Variants in GRID2 observed in about 807,000 individuals in gnomAD.
GRID2 encodes the protein glutamate receptor ionotropic, delta-2.
Under a neutral mutation model 114.8 loss-of-function variants are expected in GRID2, and 33 were observed. The ratio of observed to expected loss-of-function variants is 0.29; its 90% CI spans 0.22 to 0.38. The LOEUF is 0.38. Among genes scored for constraint, GRID2 ranks in the 10% least tolerant of loss-of-function variants. The pLI is 1.00. For synonymous variants in GRID2, 505 were observed against 449.9 expected (o/e 1.12, Z -1.55); for missense variants, 1,184 against 1,257.7 (o/e 0.94, Z 0.89).
intron 1 of GRID2, among the ~76,000 whole-genome samples, chr4:92,365,081 G>A (rs1306638435): frequency 6.6e-6 from 1 of 151,866 alleles, no homozygotes; most frequent in Non-Finnish European, 1.5e-5. Flanking sequence ...GAAAATGGAG[G>A]TTCCTCAAAA....
chr4:93,231,527 G>C (rs1746146926), intron 7 of GRID2, among the ~76,000 whole-genome samples: 1 of 152,082 alleles, frequency 6.6e-6, no homozygotes, highest in Non-Finnish European at 1.5e-5. Flanking sequence ...TTAGAGAAGA[G>C]TGTAATGTGC....
intron 1 of GRID2, among the ~76,000 whole-genome samples, chr4:92,306,492 A>T (rs1157866507): frequency 6.6e-6 from 1 of 152,214 alleles, no homozygotes; most frequent in African/African-American, 2.4e-5. Context: ...TGATTGGAGC[A>T]GGAATGCAGA....
At chr4:93,622,913 T>C (rs546376251) in intron 13 of GRID2, among the ~76,000 whole-genome samples, 60 of 152,306 alleles carry the variant, frequency 3.9e-4, no homozygotes, top group African/African-American at 1.1e-3. Context: ...AAGTCTCGCA[T>C]GTTCTTCTAG....
At chr4:92,941,335 G>C (rs1286864905) in intron 2 of GRID2, among the ~76,000 whole-genome samples, 1 of 152,164 alleles carries the variant, frequency 6.6e-6, no homozygotes. Flanking sequence ...ATTTCTTGTA[G>C]ATTTTCTAGT....
intron 1 of GRID2, among the ~76,000 whole-genome samples, chr4:92,456,161 G>GAA (rs113019215): frequency 4.8e-5 from 7 of 145,208 alleles, no homozygotes; most frequent in Middle Eastern, 3.6e-3. Flanking sequence ...AGCTTTCCCA[G>GAA]AAAAAAAAAA....
At chr4:93,039,692 A>C (rs572097477) in intron 2 of GRID2, among the ~76,000 whole-genome samples, 58 of 152,186 alleles carry the variant, frequency 3.8e-4, no homozygotes, top group African/African-American at 1.2e-3. Context: ...AATATGATGA[A>C]TCTTTTAAAT....
chr4:92,993,350 G>A (rs1578699187), intron 2 of GRID2, among the ~76,000 whole-genome samples: 1 of 150,826 alleles, frequency 6.6e-6, no homozygotes, highest in Admixed American at 6.6e-5. Flanking sequence ...TAAATTTACA[G>A]TATTCTCTTC....
chr4:92,468,179 T>C (rs1291389624), intron 1 of GRID2, among the ~76,000 whole-genome samples: 2 of 152,084 alleles, frequency 1.3e-5, no homozygotes, highest in African/African-American at 2.4e-5. Flanking sequence ...TAATATTTAC[T>C]GAGTGCTTAT....
At chr4:93,314,360 C>A (rs1482778536) in intron 8 of GRID2, among the ~76,000 whole-genome samples, 2 of 147,312 alleles carry the variant, frequency 1.4e-5, no homozygotes, top group African/African-American at 5.0e-5. Context: ...AAAACACATT[C>A]TTCCAATGTC....
chr4:93,104,494 T>A (rs953838014), intron 3 of GRID2, among the ~76,000 whole-genome samples: 7 of 151,808 alleles, frequency 4.6e-5, no homozygotes. Context: ...AGTGTGATAT[T>A]TCCCTTCCTG....
At chr4:92,780,784 A>G (rs1328999159) in intron 2 of GRID2, among the ~76,000 whole-genome samples, 1 of 151,636 alleles carries the variant, frequency 6.6e-6, no homozygotes, top group Non-Finnish European at 1.5e-5. Flanking sequence ...CATGCATGAT[A>G]ATAAAAAGCT....
chr4:92,618,793 G>C (rs1486671967), intron 2 of GRID2, among the ~76,000 whole-genome samples: 1 of 151,628 alleles, frequency 6.6e-6, no homozygotes, highest in Non-Finnish European at 1.5e-5. Context: ...TGTATCTCCT[G>C]TTAGTGGGAT....
chr4:92,415,069 C>A lies in GRID2; in HGVS notation c.88+110325C>A, dbSNP rs778158054. Among the ~76,000 whole-genome samples the A allele has an allele frequency of 3.3e-5, 5 of 151,660 alleles. 1 individual carries two copies. Among genetic ancestry groups the A allele is most frequent in the Admixed American group, 1.3e-4 (2 of 15,212 alleles). ...AACAAGATAAATTGTCATCTTAAAC[C>A]CATAACATTAAGTATTTCATAACTT... On this transcript the variant is annotated intron_variant, in intron 1 of 15. Coordinates refer to ENST00000282020, the MANE Select transcript of GRID2 (RefSeq NM_001510.4).
intron 1 of GRID2, among the ~76,000 whole-genome samples, chr4:92,364,419 G>GT (rs1728755307): frequency 6.6e-6 from 1 of 151,988 alleles, no homozygotes; most frequent in Admixed American, 6.6e-5. Flanking sequence ...AAGCATAGTT[G>GT]TTTTGATATA....
chr4:92,705,692 C>G (rs1177703390), intron 2 of GRID2, among the ~76,000 whole-genome samples: 4 of 152,212 alleles, frequency 2.6e-5, no homozygotes, highest in African/African-American at 7.2e-5. Context: ...CAACTGCCTT[C>G]AGCTATTACA....
At chr4:93,637,792 T>A (rs1578456253) in intron 14 of GRID2, among the ~76,000 whole-genome samples, 1 of 152,172 alleles carries the variant, frequency 6.6e-6, no homozygotes, top group East Asian at 1.9e-4. Context: ...TAATCAAAAC[T>A]TTAATTCTTC....
chr4:92,980,350 TA>T (rs1754115948), intron 2 of GRID2, among the ~76,000 whole-genome samples: 1 of 152,016 alleles, frequency 6.6e-6, no homozygotes, highest in South Asian at 2.1e-4. Context: ...TTAATTAATT[TA>T]TTTGTATAAT....
At chr4:92,900,248 A>G (rs1383985239) in intron 2 of GRID2, among the ~76,000 whole-genome samples, 1 of 152,136 alleles carries the variant, frequency 6.6e-6, no homozygotes, top group East Asian at 1.9e-4. Context: ...GGGCAGAGAC[A>G]ATCATTTAAC....
At chr4:92,384,802 A>G (rs1171920172) in intron 1 of GRID2, among the ~76,000 whole-genome samples, 1 of 147,928 alleles carries the variant, frequency 6.8e-6, no homozygotes, top group Non-Finnish European at 1.5e-5. Context: ...GGTAGTTTTC[A>G]TTCTCTGAAA....
Sources: gnomAD v4.1 joint callset for allele counts (sites outside exome capture counted in the v4.1 genomes callset) on GRCh38, gnomAD v4.1.1 for gene constraint, MANE v1.5 for transcripts, NCBI Gene and HGNC (gene_info 2026-07-23, HGNC 2026-07-21) for gene names.